Variants in XKR6 observed in about 807,000 individuals in gnomAD.
The protein encoded by XKR6 is XK related 6, also known as XK-related protein 6.
A neutral mutation model predicts 56.7 loss-of-function variants in XKR6; 22 were observed. The ratio of observed to expected loss-of-function variants is 0.39; its 90% CI spans 0.28 to 0.55. The LOEUF (loss-of-function observed/expected upper bound fraction) is 0.55. Ranked by LOEUF, XKR6 falls within the 20% of genes least tolerant of loss-of-function variation. The pLI is 0.66. For synonymous variants in XKR6, 524 were observed against 387.8 expected, an observed-to-expected ratio of 1.35 and a Z score of -4.13; for missense variants, 852 against 889.0, an observed-to-expected ratio of 0.96 and a Z score of 0.53.
chr8:11,115,538 T>C lies in XKR6; in HGVS notation c.764+85038A>G, dbSNP rs74965430. Among the ~76,000 whole-genome samples, 1,135 of 152,336 alleles carry C rather than the reference T, an allele frequency of 7.5e-3. 14 individuals are homozygous for C. The highest frequency in any genetic ancestry group is 0.026 in the African/African-American group (1,081 of 41,554). On this transcript the variant is annotated intron_variant, in intron 1 of 2. Coordinates refer to ENST00000416569, the MANE Select transcript of XKR6 (RefSeq NM_173683.4). ...TAAATATTATTCATAAATTATCACA[T>C]ATAGTCTACACTAACATTATCGTTC...
At chr8:11,065,042 CA>C (rs1178742750) in intron 1 of XKR6, among the ~76,000 whole-genome samples, 5 of 152,136 alleles carry the variant, frequency 3.3e-5, no homozygotes, top group Non-Finnish European at 7.3e-5. Context: ...GGATATGACA[CA>C]GCATAAAATT....
chr8:11,005,567 C>T (rs1266278294), intron 1 of XKR6, among the ~76,000 whole-genome samples: 3 of 152,092 alleles, frequency 2.0e-5, no homozygotes, highest in Non-Finnish European at 2.9e-5. Context: ...GGGAAGTTTT[C>T]TGTTATTTAT....
chr8:11,172,509 A>C (rs1398819699), intron 1 of XKR6, among the ~76,000 whole-genome samples: 1 of 152,144 alleles, frequency 6.6e-6, no homozygotes, highest in Non-Finnish European at 1.5e-5. Context: ...AGATCTGCAC[A>C]AGTACCCTTT....
chr8:11,180,261 G>T (rs1054937878), intron 1 of XKR6, among the ~76,000 whole-genome samples: 1 of 152,258 alleles, frequency 6.6e-6, no homozygotes, highest in Non-Finnish European at 1.5e-5. Flanking sequence ...TCACAGAAGA[G>T]GTAACAAGAG....
chr8:10,995,812 C>T (rs1280571926), intron 1 of XKR6, among the ~76,000 whole-genome samples: 1 of 152,136 alleles, frequency 6.6e-6, no homozygotes, highest in Non-Finnish European at 1.5e-5. Context: ...GAAAAGGAGA[C>T]TCTTCCAGGC....
intron 1 of XKR6, among the ~76,000 whole-genome samples, chr8:10,962,095 T>A (rs1010147524): frequency 3.3e-5 from 5 of 152,234 alleles, no homozygotes; most frequent in African/African-American, 9.6e-5. Flanking sequence ...CTTGGCCTAA[T>A]CATGACTTTC....
At position 11,201,533 on chromosome 8, in the gene XKR6, C is replaced by A. The variant is rs1013397473; in HGVS notation, c.-194G>T. On this transcript the variant is annotated 5_prime_UTR_variant, in exon 1 of 3. Transcript: ENST00000416569. Reference sequence around the variant, plus strand: ...CCGGGTAGTTGGCGTCACTTCCGGGCGAGCCCCCCAATCGCACGGCGCCCG... The same window carrying A: ...CCGGGTAGTTGGCGTCACTTCCGGGAGAGCCCCCCAATCGCACGGCGCCCG... Among the ~76,000 whole-genome samples the A allele has an allele frequency of 3.3e-5, 5 of 151,992 alleles. No homozygotes were observed. Among genetic ancestry groups the A allele is most frequent in the African/African-American group, 9.7e-5 (4 of 41,376 alleles).
chr8:10,952,529 C>T (rs1801757459), intron 1 of XKR6, among the ~76,000 whole-genome samples: 1 of 152,224 alleles, frequency 6.6e-6, no homozygotes. Flanking sequence ...TCACAGCTCA[C>T]TGCAGCCTCG....
chr8:10,951,367 G>A (rs1448410984), intron 1 of XKR6, among the ~76,000 whole-genome samples: 6 of 151,840 alleles, frequency 4.0e-5, no homozygotes, highest in African/African-American at 1.2e-4. Flanking sequence ...GCTGAGCGAC[G>A]CATGGGTAAC....
chr8:11,045,189 G>A (rs1269002656), intron 1 of XKR6, among the ~76,000 whole-genome samples: 1 of 138,528 alleles, frequency 7.2e-6, no homozygotes, highest in Non-Finnish European at 1.5e-5. Flanking sequence ...AGGTTCAAGT[G>A]ATTCTCCTGC....
intron 1 of XKR6, among the ~76,000 whole-genome samples, chr8:11,150,565 C>T (rs1006385725): frequency 6.6e-6 from 1 of 152,114 alleles, no homozygotes; most frequent in Admixed American, 6.6e-5. Flanking sequence ...CTTAAAATTC[C>T]TTCCAGGCTG....
At chr8:11,057,667 G>A (rs1799719775) in intron 1 of XKR6, among the ~76,000 whole-genome samples, 1 of 152,152 alleles carries the variant, frequency 6.6e-6, no homozygotes, top group South Asian at 2.1e-4. Context: ...GGCTCCATTG[G>A]CGACTGTGTC....
intron 1 of XKR6, among the ~76,000 whole-genome samples, chr8:11,071,971 T>C (rs931893817): frequency 1.3e-5 from 2 of 152,002 alleles, no homozygotes; most frequent in African/African-American, 4.8e-5. Context: ...CAGAATAATA[T>C]ACAAACACAC....
intron 1 of XKR6, among the ~76,000 whole-genome samples, chr8:11,156,099 A>C (rs1801505895): frequency 6.6e-6 from 1 of 152,048 alleles, no homozygotes. Flanking sequence ...GACTTTATCC[A>C]ATTCTCTTTC....
At chr8:11,159,718 C>G (rs542228153) in intron 1 of XKR6, among the ~76,000 whole-genome samples, 67 of 152,342 alleles carry the variant, frequency 4.4e-4, no homozygotes, top group African/African-American at 1.6e-3. Context: ...CCAAGAACCA[C>G]TGAACTAATA....
intron 1 of XKR6, among the ~76,000 whole-genome samples, chr8:11,064,916 C>T (rs962295061): frequency 5.9e-5 from 9 of 152,136 alleles, no homozygotes; most frequent in Admixed American, 4.6e-4. Flanking sequence ...GTGACAAAAA[C>T]CTCAATGGTT....
At chr8:10,980,933 A>G (rs1017162982) in intron 1 of XKR6, among the ~76,000 whole-genome samples, 2 of 152,148 alleles carry the variant, frequency 1.3e-5, no homozygotes, top group African/African-American at 4.8e-5. Context: ...GGGATTAGAG[A>G]CAGGGACACT....
At chr8:11,153,774 T>C (rs973195386) in intron 1 of XKR6, among the ~76,000 whole-genome samples, 10 of 152,204 alleles carry the variant, frequency 6.6e-5, no homozygotes, top group African/African-American at 1.9e-4. Context: ...TTAAGAGGTA[T>C]CTTGGACTCC....
chr8:11,046,229 G>A (rs942829643), intron 1 of XKR6, among the ~76,000 whole-genome samples: 11 of 152,086 alleles, frequency 7.2e-5, no homozygotes, highest in East Asian at 1.9e-4. Context: ...TGAAACCCCC[G>A]TCTCTACTAA....
Sources: gnomAD v4.1 joint callset for allele counts (sites outside exome capture counted in the v4.1 genomes callset) on GRCh38, gnomAD v4.1.1 for gene constraint, MANE v1.5 for transcripts, NCBI Gene and HGNC (gene_info 2026-07-23, HGNC 2026-07-21) for gene names.